The following ROCK1 variants were observed in gnomAD, a reference collection of about 807,000 sequenced individuals.
ROCK1 encodes Rho associated coiled-coil containing protein kinase 1.
ROCK1 carries 36 observed loss-of-function variants against 196.8 expected under a neutral mutation model. The ratio of observed to expected loss-of-function variants is 0.18; its 90% confidence interval spans 0.14 to 0.24. ROCK1 has a LOEUF of 0.24. Ranked by LOEUF, ROCK1 falls within the 10% of genes least tolerant of loss-of-function variation. ROCK1 has a pLI of 1.00. For missense variants in ROCK1, 920 were observed against 1,562.0 expected, an observed-to-expected ratio of 0.59 and a Z score of 6.93; for synonymous variants, 443 against 515.9, an observed-to-expected ratio of 0.86 and a Z score of 1.91.
intron 27 of ROCK1, 107 bp downstream of exon 27, chr18:20,966,810 A>T: frequency 2.3e-6 from 2 of 853,400 alleles, no homozygotes; most frequent in Non-Finnish European, 3.7e-6. Context: ...ATTCCTTCTT[A>T]GGAATCCATG....
intron 1 of ROCK1, among the ~76,000 whole-genome samples, chr18:21,102,266 A>G (rs1342944115): frequency 6.6e-6 from 1 of 152,220 alleles, no homozygotes; most frequent in Non-Finnish European, 1.5e-5. Context: ...TACAATCTAC[A>G]GCCTCATATC....
chr18:21,104,725 C>T (rs1232380972), intron 1 of ROCK1, among the ~76,000 whole-genome samples: 1 of 152,174 alleles, frequency 6.6e-6, no homozygotes, highest in African/African-American at 2.4e-5. Context: ...ATAAAAGATA[C>T]ACACAGAAAG....
chr18:21,011,798 T>G, intron 13 of ROCK1, among the ~76,000 whole-genome samples: 1 of 152,230 alleles, frequency 6.6e-6, no homozygotes, highest in East Asian at 1.9e-4. Context: ...TCTCTGTTTA[T>G]AATGTCTAAA....
At chr18:21,011,227 ATTTCTACAT>A (rs1207083788) in intron 13 of ROCK1, among the ~76,000 whole-genome samples, 3 of 151,782 alleles carry the variant, frequency 2.0e-5, no homozygotes, top group Admixed American at 1.3e-4. Flanking sequence ...GATCTCTGTT[ATTTCTACAT>A]TTTCTTTCCT....
intron 1 of ROCK1, among the ~76,000 whole-genome samples, chr18:21,079,584 A>T (rs2036465173): frequency 1.3e-5 from 2 of 152,108 alleles, no homozygotes; most frequent in African/African-American, 4.8e-5. Flanking sequence ...AGTAGGACAT[A>T]CTGGAGATGG....
At chr18:21,084,825 CA>C (rs1190935939) in intron 1 of ROCK1, among the ~76,000 whole-genome samples, 1 of 152,108 alleles carries the variant, frequency 6.6e-6, no homozygotes, top group Non-Finnish European at 1.5e-5. Flanking sequence ...GCAGCATATT[CA>C]AAATAGCTCA....
At chr18:20,968,498 G>C in intron 25 of ROCK1, 1 of 301,830 alleles carries the variant, frequency 3.3e-6, no homozygotes, top group East Asian at 6.8e-5. Context: ...GTAGAGACTG[G>C]GGTTTCGATG....
intron 2 of ROCK1, among the ~76,000 whole-genome samples, chr18:21,057,975 T>G (rs2143530521): frequency 6.6e-6 from 1 of 152,294 alleles, no homozygotes; most frequent in South Asian, 2.1e-4. Context: ...AGCAAATAAT[T>G]TCATATACAT....
chr18:20,960,332 T>C lies in ROCK1; in HGVS notation c.3353-126A>G, dbSNP rs533414152. On this transcript the variant is annotated intron_variant, in intron 27 of 32. Coordinates refer to ENST00000399799, the MANE Select transcript of ROCK1 (RefSeq NM_005406.3). ...CAACTAAATGAATAAGTGCTATAAT[T>C]TGCTCTTCCATGCTTCAATCACACA... 1.2e-4 allele frequency: 79 copies of C among 635,846 alleles called. No homozygotes were observed. In the African/African-American group the frequency reaches 1.2e-3, roughly 10 times the overall value. The allele number at this position is 635,846 out of a possible 1,614,324, so 39.4% of individuals were successfully genotyped here. A position where few individuals can be genotyped will look rare whatever the true frequency, so the allele number is the denominator to read the frequency against.
chr18:20,993,000 G>T, intron 16 of ROCK1, 63 bp from the exon 17 acceptor site: 1 of 957,978 alleles, frequency 1.0e-6, no homozygotes, highest in South Asian at 1.6e-5. Flanking sequence ...GTTCAGTATT[G>T]ACAATTTAGT....
intron 1 of ROCK1, among the ~76,000 whole-genome samples, chr18:21,072,823 C>A (rs1453732297): frequency 6.6e-6 from 1 of 152,056 alleles, no homozygotes; most frequent in Non-Finnish European, 1.5e-5. Flanking sequence ...GTAATCTCAG[C>A]ACTTTGGGAG....
At chr18:20,969,363 A>C in intron 23 of ROCK1, 155 bp from the exon 24 acceptor site, 1 of 509,608 alleles carries the variant, frequency 2.0e-6, no homozygotes. Flanking sequence ...TAATTACATC[A>C]AAAATATTTA....
intron 21 of ROCK1, among the ~76,000 whole-genome samples, chr18:20,981,465 T>G (rs1246419948): frequency 6.6e-6 from 1 of 152,232 alleles, no homozygotes; most frequent in African/African-American, 2.4e-5. Flanking sequence ...TATATGCTTA[T>G]TTCAGAACAA....
intron 22 of ROCK1, among the ~76,000 whole-genome samples, chr18:20,972,979 A>G (rs2035443938): frequency 6.6e-6 from 1 of 152,134 alleles, no homozygotes; most frequent in Non-Finnish European, 1.5e-5. Flanking sequence ...TCCTGGGTTG[A>G]AGCAATTCCC....
At chr18:21,036,750 C>A (rs74475139) in intron 9 of ROCK1, among the ~76,000 whole-genome samples, 1 of 151,936 alleles carries the variant, frequency 6.6e-6, no homozygotes, top group Non-Finnish European at 1.5e-5. Flanking sequence ...CTGTAGAACA[C>A]TGTACAATAG....
At chr18:20,983,744 T>C (rs2035554172) in intron 20 of ROCK1, among the ~76,000 whole-genome samples, 1 of 152,126 alleles carries the variant, frequency 6.6e-6, no homozygotes, top group South Asian at 2.1e-4. Flanking sequence ...AAATCCAATT[T>C]TATGAAAACT....
At chr18:21,024,560 A>G (rs905014118) in intron 10 of ROCK1, among the ~76,000 whole-genome samples, 1 of 152,240 alleles carries the variant, frequency 6.6e-6, no homozygotes. Context: ...AGGAGATCAA[A>G]TAGTTACAGT....
chr18:21,053,609 G>A (rs1457915669), intron 2 of ROCK1, among the ~76,000 whole-genome samples: 3 of 152,208 alleles, frequency 2.0e-5, no homozygotes, highest in Admixed American at 6.5e-5. Flanking sequence ...ACAGAGGCAG[G>A]AGGATTGCTC....
intron 9 of ROCK1, among the ~76,000 whole-genome samples, chr18:21,036,972 G>A (rs1337879078): frequency 3.3e-5 from 5 of 151,310 alleles, no homozygotes; most frequent in Non-Finnish European, 5.9e-5. Context: ...TTCCATTTTT[G>A]ATCTATATAA....
Sources: gnomAD v4.1 joint callset for allele counts (sites outside exome capture counted in the v4.1 genomes callset) on GRCh38, gnomAD v4.1.1 for gene constraint, MANE v1.5 for transcripts, NCBI Gene and HGNC (gene_info 2026-07-23, HGNC 2026-07-21) for gene names.